LCLAT1: variants seen among roughly 807,000 people sequenced by gnomAD.
LCLAT1 encodes lysocardiolipin acyltransferase 1.
Under a neutral mutation model 30.7 loss-of-function variants are expected in LCLAT1, and 11 were observed. That is an observed-to-expected ratio of 0.36 (90% CI 0.23 to 0.59). The LOEUF is 0.59. LCLAT1 is among the 20% of genes least tolerant of loss of function. The probability of loss-of-function intolerance (pLI) is 0.77; values close to 1 mark genes in which losing one functional copy is unlikely to be tolerated. For missense variants in LCLAT1, 402 were observed against 458.6 expected (o/e 0.88, Z 1.13); for synonymous variants, 155 against 151.3 (o/e 1.02, Z -0.18).
At chr2:30,557,283 CGTGT>C (rs373793652) in intron 3 of LCLAT1, among the ~76,000 whole-genome samples, 7,641 of 138,560 alleles carry the variant, frequency 0.055, 236 homozygotes, top group Non-Finnish European at 0.078. Context: ...AAGGTATGAT[CGTGT>C]GTGTGTGTGT....
chr2:30,525,026 A>C (rs558936357), intron 1 of LCLAT1, among the ~76,000 whole-genome samples: 1 of 112,948 alleles, frequency 8.9e-6, no homozygotes, highest in Non-Finnish European at 2.0e-5. Context: ...AAAAGAAAAT[A>C]TATGGTTTTA....
intron 1 of LCLAT1, among the ~76,000 whole-genome samples, chr2:30,502,058 T>C (rs180731573): frequency 6.6e-6 from 1 of 152,324 alleles, no homozygotes; most frequent in East Asian, 1.9e-4. Flanking sequence ...ATTATACTAG[T>C]TGCACACAAT....
chr2:30,471,262 T>A (rs1682770937), intron 1 of LCLAT1, among the ~76,000 whole-genome samples: 1 of 151,910 alleles, frequency 6.6e-6, no homozygotes, highest in African/African-American at 2.4e-5. Context: ...CAGGCTGGAG[T>A]GCAGTGGTGT....
chr2:30,488,703 C>A (rs955974789), intron 1 of LCLAT1, among the ~76,000 whole-genome samples: 1 of 152,198 alleles, frequency 6.6e-6, no homozygotes, highest in African/African-American at 2.4e-5. Flanking sequence ...ATTTAGACCC[C>A]TTTCCCTAGA....
intron 1 of LCLAT1, among the ~76,000 whole-genome samples, chr2:30,484,754 A>C (rs899786627): frequency 6.6e-6 from 1 of 152,188 alleles, no homozygotes; most frequent in African/African-American, 2.4e-5. Flanking sequence ...TGTAACATTC[A>C]GTAACATTTG....
At chr2:30,455,519 G>A (rs1365535476) in intron 1 of LCLAT1, among the ~76,000 whole-genome samples, 1 of 152,110 alleles carries the variant, frequency 6.6e-6, no homozygotes, top group African/African-American at 2.4e-5. Context: ...GGTGGCTGAT[G>A]GCATTCCTTG....
intron 1 of LCLAT1, among the ~76,000 whole-genome samples, chr2:30,481,276 A>G (rs1024847639): frequency 3.0e-4 from 46 of 152,230 alleles, no homozygotes; most frequent in African/African-American, 1.1e-3. Context: ...ACATTGTAAG[A>G]TTACACGCAA....
intron 5 of LCLAT1, among the ~76,000 whole-genome samples, chr2:30,617,461 A>G (rs1049057510): frequency 1.3e-5 from 2 of 152,190 alleles, no homozygotes; most frequent in South Asian, 4.1e-4. Context: ...GTTATTTACA[A>G]TTTTAGGATA....
intron 4 of LCLAT1, among the ~76,000 whole-genome samples, chr2:30,563,099 AG>A (rs1377624084): frequency 2.6e-5 from 4 of 151,168 alleles, no homozygotes; most frequent in African/African-American, 9.7e-5. Context: ...GCTGGAGTGC[AG>A]TGGCATGATC....
At position 30,568,099 on chromosome 2, in the gene LCLAT1, A is replaced by G; in HGVS notation, c.551A>G (p.Asn184Ser). The change falls in exon 5 of 6, where the codon AAT (asparagine) becomes AGT (serine). Residue 184 changes from asparagine (N) to serine (S), a missense_variant. Physicochemically the swap from Asn to Ser is conservative, Grantham distance 46 (BLOSUM62 1). Coordinates refer to ENST00000379509, the MANE Select transcript of LCLAT1 (RefSeq NM_001002257.3). ...CGAAGTAATGCATTTGCTGAAAAAA[A>G]TGGACTTCAGAAATATGAATATGTT... ...KSRSNAFAEK[N>S]GLQKYEYVLH... is the part of the protein sequence containing the mutation. 3.7e-6 allele frequency: 6 copies of G among 1,607,390 alleles called. No homozygotes were observed. Among genetic ancestry groups the G allele is most frequent in the Non-Finnish European group, 4.3e-6 (5 of 1,175,930 alleles).
intron 5 of LCLAT1, among the ~76,000 whole-genome samples, chr2:30,633,617 G>A (rs1027782034): frequency 2.1e-4 from 32 of 152,232 alleles, no homozygotes; most frequent in African/African-American, 6.5e-4. Context: ...CCCGGGAGGC[G>A]GAGGTTGCAG....
chr2:30,476,059 T>TG (rs1309523757), intron 1 of LCLAT1, among the ~76,000 whole-genome samples: 3 of 152,214 alleles, frequency 2.0e-5, no homozygotes, highest in Admixed American at 6.5e-5. Context: ...AGCACTGTCC[T>TG]GGGGCATTGT....
chr2:30,553,983 T>C (rs1018355710), intron 3 of LCLAT1, among the ~76,000 whole-genome samples: 17 of 152,214 alleles, frequency 1.1e-4, no homozygotes, highest in Non-Finnish European at 1.9e-4. Flanking sequence ...ACAATTTGCA[T>C]TGATGACAAT....
At chr2:30,628,706 T>TATTAAATTCTCA (rs1668629086) in intron 5 of LCLAT1, among the ~76,000 whole-genome samples, 4 of 152,166 alleles carry the variant, frequency 2.6e-5, no homozygotes, top group Non-Finnish European at 4.4e-5. Context: ...ACTTGGTATT[T>TATTAAATTCTCA]CAGTACAAGG....
intron 5 of LCLAT1, among the ~76,000 whole-genome samples, chr2:30,570,356 C>T (rs1319841873): frequency 1.3e-5 from 2 of 152,104 alleles, no homozygotes; most frequent in South Asian, 2.1e-4. Flanking sequence ...GACTTGTATA[C>T]TATAATAATA....
chr2:30,471,965 C>T (rs1267162077), intron 1 of LCLAT1, among the ~76,000 whole-genome samples: 1 of 152,162 alleles, frequency 6.6e-6, no homozygotes, highest in Admixed American at 6.6e-5. Context: ...AGCTTGTAGT[C>T]ACTTTATCCC....
In LCLAT1 at chr2:30,533,303, T is replaced by C; in HGVS notation, c.353T>C (p.Val118Ala). 4 of 1,613,860 alleles carry C rather than the reference T, an allele frequency of 2.5e-6. No homozygotes were observed. Among genetic ancestry groups the C allele is most frequent in the Non-Finnish European group, 3.4e-6 (4 of 1,179,746 alleles). The change falls in exon 3 of 6, where the codon GTT becomes GCT. Residue 118 changes from valine to alanine, a missense_variant. Val to Ala is a moderately conservative substitution (Grantham distance 64). Transcript: ENST00000379509. ...TGCCTCAAAGCGAGTCTCAAAGGTGTTCCTGGATTTGGTAGGTTATTCACA... is the reference window on the plus strand; with the variant it reads ...TGCCTCAAAGCGAGTCTCAAAGGTGCTCCTGGATTTGGTAGGTTATTCACA... Reference protein sequence around the residue: ...KICLKASLKGVPGFGWAMQAA... With the variant: ...KICLKASLKGAPGFGWAMQAA...
intron 5 of LCLAT1, among the ~76,000 whole-genome samples, chr2:30,588,506 C>T (rs1279954337): frequency 6.6e-6 from 1 of 152,178 alleles, no homozygotes; most frequent in East Asian, 1.9e-4. Context: ...GCCAGAATTC[C>T]TAACCAGACT....
At chr2:30,459,857 A>T (rs1682023373) in intron 1 of LCLAT1, 1 of 572,044 alleles carries the variant, frequency 1.7e-6, no homozygotes, top group Non-Finnish European at 3.0e-6. Flanking sequence ...TTGTTCTATA[A>T]CCTTTTCATT....
Sources: gnomAD v4.1 joint callset for allele counts (sites outside exome capture counted in the v4.1 genomes callset) on GRCh38, gnomAD v4.1.1 for gene constraint, MANE v1.5 for transcripts, NCBI Gene and HGNC (gene_info 2026-07-23, HGNC 2026-07-21) for gene names.